The following PTBP3 variants were observed in gnomAD, a reference collection of about 807,000 sequenced individuals.
PTBP3 encodes the protein polypyrimidine tract-binding protein 3.
PTBP3 carries 20 observed loss-of-function variants against 58.7 expected under a neutral mutation model. That is an observed-to-expected ratio of 0.34 (90% CI 0.24 to 0.50). PTBP3 has a LOEUF of 0.50. PTBP3 is among the 20% of genes least tolerant of loss of function. The pLI, the probability that PTBP3 is intolerant of heterozygous loss-of-function variation, is 0.98. For missense variants in PTBP3, 509 were observed against 637.2 expected (o/e 0.80, Z 2.17); for synonymous variants, 185 against 219.8 (o/e 0.84, Z 1.40).
intron 1 of PTBP3, among the ~76,000 whole-genome samples, chr9:112,315,974 G>A (rs1829687929): frequency 6.6e-6 from 1 of 152,212 alleles, no homozygotes; most frequent in South Asian, 2.1e-4. Flanking sequence ...CGTGCTTACA[G>A]GGAAATTTAT....
At chr9:112,336,126 G>A (rs1399672994), upstream of PTBP3, among the ~76,000 whole-genome samples, 2 of 151,778 alleles carry the variant, frequency 1.3e-5, no homozygotes, top group East Asian at 2.0e-4. Flanking sequence ...CACCCACCTC[G>A]GCCTCCCAAA....
At chr9:112,377,281 T>C in the PTBP3 span, among the ~76,000 whole-genome samples, 1 of 151,948 alleles carries the variant, frequency 6.6e-6, no homozygotes, top group Admixed American at 6.6e-5. Context: ...GCCCAGGAGG[T>C]TGAGGCTACA....
At chr9:112,368,925 C>G in the PTBP3 span, among the ~76,000 whole-genome samples, 1 of 152,216 alleles carries the variant, frequency 6.6e-6, no homozygotes, top group South Asian at 2.1e-4. Flanking sequence ...TGCCCTGTGC[C>G]CCAGCCATGG....
At chr9:112,358,774 A>G in the PTBP3 span, among the ~76,000 whole-genome samples, 1 of 152,200 alleles carries the variant, frequency 6.6e-6, no homozygotes, top group East Asian at 1.9e-4. Context: ...AAAAATGTCA[A>G]TCACAAATGA....
At chr9:112,367,194 T>C in the PTBP3 span, among the ~76,000 whole-genome samples, 3 of 152,330 alleles carry the variant, frequency 2.0e-5, no homozygotes, top group Admixed American at 6.5e-5. Flanking sequence ...CAAATTATTA[T>C]AGCTATATTT....
intron 1 of PTBP3, among the ~76,000 whole-genome samples, chr9:112,314,237 CT>C (rs1226395192): frequency 1.3e-5 from 2 of 152,120 alleles, no homozygotes; most frequent in African/African-American, 4.8e-5. Context: ...CATAAGAAAG[CT>C]GGAATGGCTA....
At chr9:112,353,919 C>G in the PTBP3 span, among the ~76,000 whole-genome samples, 40 of 152,078 alleles carry the variant, frequency 2.6e-4, no homozygotes, top group Non-Finnish European at 5.6e-4. Flanking sequence ...GATCATGCCA[C>G]TGCACTCCAG....
At chr9:112,277,503 AATT>A (rs1284956035) in intron 2 of PTBP3, among the ~76,000 whole-genome samples, 1 of 151,910 alleles carries the variant, frequency 6.6e-6, no homozygotes, top group Non-Finnish European at 1.5e-5. Context: ...CCCTTACTCT[AATT>A]TCACTCTCCC....
At chr9:112,288,995 C>T (rs1027321628) in intron 2 of PTBP3, among the ~76,000 whole-genome samples, 3 of 152,158 alleles carry the variant, frequency 2.0e-5, no homozygotes, top group East Asian at 1.9e-4. Flanking sequence ...TGTTTTCCAA[C>T]GTTTGTTTTC....
At chr9:112,238,765 C>T (rs190735520) in intron 7 of PTBP3, among the ~76,000 whole-genome samples, 4 of 152,016 alleles carry the variant, frequency 2.6e-5, no homozygotes, top group East Asian at 1.9e-4. Flanking sequence ...ATCTTTAATA[C>T]GCTGAAAGAA....
chr9:112,266,175 G>C (rs976493767), intron 4 of PTBP3, among the ~76,000 whole-genome samples: 3 of 152,132 alleles, frequency 2.0e-5, no homozygotes, highest in Non-Finnish European at 2.9e-5. Context: ...GGCATCTAGA[G>C]ACTAAGTGTG....
chr9:112,368,734 C>T, the PTBP3 span, among the ~76,000 whole-genome samples: 1 of 152,154 alleles, frequency 6.6e-6, no homozygotes, highest in Non-Finnish European at 1.5e-5. Context: ...GATGAAATAC[C>T]TCTGTGAACT....
At chr9:112,312,634 C>T (rs923809290) in intron 1 of PTBP3, among the ~76,000 whole-genome samples, 11 of 151,260 alleles carry the variant, frequency 7.3e-5, no homozygotes, top group Admixed American at 6.6e-5. Flanking sequence ...AAAGGATATA[C>T]GAGTTCTTTG....
chr9:112,258,991 A>G (rs769596687), intron 5 of PTBP3, among the ~76,000 whole-genome samples: 11 of 152,156 alleles, frequency 7.2e-5, no homozygotes, highest in Non-Finnish European at 1.2e-4. Context: ...TCACTCTGTC[A>G]TCCAGGCTGG....
chr9:112,236,897 GA>G (rs1352441852), intron 7 of PTBP3, among the ~76,000 whole-genome samples: 4 of 152,084 alleles, frequency 2.6e-5, no homozygotes, highest in African/African-American at 9.7e-5. Flanking sequence ...GCAAGTGGAG[GA>G]TGGCTGCAAG....
chr9:112,342,924 C>T, the PTBP3 span, among the ~76,000 whole-genome samples: 1 of 152,154 alleles, frequency 6.6e-6, no homozygotes, highest in Non-Finnish European at 1.5e-5. Flanking sequence ...AACTCCCATG[C>T]TCAAGTAATT....
chr9:112,346,159 T>G, the PTBP3 span, among the ~76,000 whole-genome samples: 2 of 152,080 alleles, frequency 1.3e-5, no homozygotes, highest in Non-Finnish European at 2.9e-5. Context: ...AACTTTCTTT[T>G]CTTTTTTCTT....
At chr9:112,339,159 C>T in the PTBP3 span, among the ~76,000 whole-genome samples, 1 of 151,990 alleles carries the variant, frequency 6.6e-6, no homozygotes, top group Non-Finnish European at 1.5e-5. Flanking sequence ...GGCGTGGTGG[C>T]TCATGCCTGT....
In PTBP3 at chr9:112,319,423, G is replaced by A. The variant is rs116410850; in HGVS notation, c.-52+14047C>T. 3.8e-3 allele frequency among the ~76,000 whole-genome samples: 571 copies of A among 152,080 alleles called. 4 individuals are homozygous for A. Among genetic ancestry groups the A allele is most frequent in the African/African-American group, 0.013 (552 of 41,484 alleles). On this transcript the variant is annotated intron_variant, in intron 1 of 13. Coordinates refer to ENST00000374257, the MANE Select transcript of PTBP3 (RefSeq NM_001163788.4). ...TGGTAGCGTGTGCCTATAGTCCCAG[G>A]TATTCAACAGCCAACAGGTATATAA...
Sources: allele counts gnomAD v4.1 joint callset (sites outside exome capture counted in the v4.1 genomes callset), GRCh38; gene constraint gnomAD v4.1.1; transcripts MANE v1.5; gene names NCBI Gene and HGNC (gene_info 2026-07-23, HGNC 2026-07-21).